The following DLG5 variants were observed in gnomAD, a reference collection of about 807,000 sequenced individuals.
The protein encoded by DLG5 is discs large MAGUK scaffold protein 5.
Under a neutral mutation model 189.8 loss-of-function variants are expected in DLG5, and 48 were observed. The ratio of observed to expected loss-of-function variants is 0.25; its 90% CI spans 0.20 to 0.32. The LOEUF is 0.32. DLG5 is among the 10% of genes least tolerant of loss of function. The probability of loss-of-function intolerance (pLI) is 1.00; values close to 1 mark genes in which losing one functional copy is unlikely to be tolerated. For synonymous variants in DLG5, 1,016 were observed against 1,054.1 expected, an observed-to-expected ratio of 0.96 and a Z score of 0.70; for missense variants, 2,160 against 2,544.7, an observed-to-expected ratio of 0.85 and a Z score of 3.25.
In DLG5 at chr10:77,817,840, T is replaced by C. The variant is rs930546924; in HGVS notation, c.3721A>G (p.Ser1241Gly). 1.3e-6 allele frequency: 2 copies of C among 1,554,546 alleles called. No individual in the cohort carries two copies. Among genetic ancestry groups the C allele is most frequent in the South Asian group, 2.4e-5 (2 of 84,198 alleles). The change falls in exon 18 of 32, where the codon AGC (serine) becomes GGC (glycine). Residue 1241 changes from serine to glycine, a missense_variant. Physicochemically the swap from Ser to Gly is moderately conservative, Grantham distance 56. Coordinates refer to ENST00000372391, the MANE Select transcript of DLG5 (RefSeq NM_004747.4). ...LSLDLSHRTC[S>G]DYSEMRATHG... is the part of the protein sequence containing the mutation. ...GTGGCTCTCATCTCGGAGTAGTCGC[T>C]GCAGGTCCTGTGGCTCAGGTCCAGG...
At chr10:77,817,240 G>T in intron 18 of DLG5, 144 bp from the exon 19 acceptor site, 1 of 735,866 alleles carries the variant, frequency 1.4e-6, no homozygotes, top group South Asian at 1.6e-5. Flanking sequence ...ATATGGAACA[G>T]TCAAGAAAAG....
chr10:77,916,034 T>C (rs1282244513), intron 1 of DLG5, among the ~76,000 whole-genome samples: 15 of 151,978 alleles, frequency 9.9e-5, no homozygotes, highest in Admixed American at 9.2e-4. Flanking sequence ...CTGGGCAATA[T>C]AGTGAGACCT....
intron 1 of DLG5, among the ~76,000 whole-genome samples, chr10:77,909,356 G>T (rs1846151580): frequency 6.6e-6 from 1 of 152,172 alleles, no homozygotes; most frequent in African/African-American, 2.4e-5. Context: ...GGGCCTGTCA[G>T]GGGTGGGGGT....
intron 1 of DLG5, among the ~76,000 whole-genome samples, chr10:77,904,187 C>T (rs1846009488): frequency 6.6e-6 from 1 of 152,170 alleles, no homozygotes; most frequent in African/African-American, 2.4e-5. Context: ...GCAAAACCCC[C>T]ATCTCAACAA....
chr10:77,814,467 A>T (rs1292748157), intron 20 of DLG5, among the ~76,000 whole-genome samples: 2 of 63,520 alleles, frequency 3.1e-5, no homozygotes, highest in East Asian at 4.0e-4. Flanking sequence ...ATGTTTATAT[A>T]TATATATATA....
At chr10:77,901,579 C>T (rs552123876) in intron 1 of DLG5, among the ~76,000 whole-genome samples, 2 of 152,258 alleles carry the variant, frequency 1.3e-5, no homozygotes, top group Non-Finnish European at 2.9e-5. Context: ...GCGGTCCACG[C>T]TGACGGGTGG....
At chr10:77,833,570 AGT>A (rs1241393577) in intron 9 of DLG5, among the ~76,000 whole-genome samples, 1 of 141,978 alleles carries the variant, frequency 7.0e-6, no homozygotes, top group Non-Finnish European at 1.6e-5. Flanking sequence ...TGAGTGAGTG[AGT>A]GAGTAGGGGA....
At position 77,816,440 on chromosome 10, in the gene DLG5, A is replaced by C. The variant is rs1842054707; in HGVS notation, c.4025+111T>G. The C allele has an allele frequency of 2.6e-6, 4 of 1,517,626 alleles. No homozygotes were observed. In the Admixed American group the frequency reaches 6.9e-5, roughly 26 times the overall value. 94.0% of individuals were successfully genotyped at this position (1,517,626 alleles called of 1,614,324 possible). A position where few individuals can be genotyped will look rare whatever the true frequency, so the allele number is the denominator to read the frequency against. Reference sequence around the variant, plus strand: ...ACACCAGCAAATGCTGGGACACTCAAGCTACTCCTGCTGCTTCTACTAAGC... The same window carrying C: ...ACACCAGCAAATGCTGGGACACTCACGCTACTCCTGCTGCTTCTACTAAGC... On this transcript the variant is annotated intron_variant, in intron 20 of 31. Coordinates refer to ENST00000372391, the MANE Select transcript of DLG5 (RefSeq NM_004747.4).
At chr10:77,932,958 A>G in the DLG5 span, among the ~76,000 whole-genome samples, 1 of 152,196 alleles carries the variant, frequency 6.6e-6, no homozygotes, top group Non-Finnish European at 1.5e-5. Context: ...TTGGGTAATA[A>G]AAAAGAAAAA....
At chr10:77,905,085 C>T (rs910426849) in intron 1 of DLG5, among the ~76,000 whole-genome samples, 4 of 148,158 alleles carry the variant, frequency 2.7e-5, no homozygotes, top group Non-Finnish European at 5.9e-5. Flanking sequence ...GCCGAGATCG[C>T]GCCACTGCAC....
chr10:77,817,159 C>T (rs1842101410), intron 18 of DLG5, 63 bp from the exon 19 acceptor site: 1 of 1,403,970 alleles, frequency 7.1e-7, no homozygotes, highest in African/African-American at 1.4e-5. Flanking sequence ...TGTCCTTCCT[C>T]TCCACCAGGC....
rs959938867 is a variant in DLG5, at chr10:77,816,557, T to C, written c.4019A>G (p.Lys1340Arg). The C allele has an allele frequency of 1.9e-5, 30 of 1,613,938 alleles. No homozygotes were observed. Among genetic ancestry groups the C allele is most frequent in the Non-Finnish European group, 2.4e-5 (28 of 1,179,974 alleles). Reference protein sequence around the residue: ...VNPASLGERRKDRPYVEEPRH... With the variant: ...VNPASLGERRRDRPYVEEPRH... The stretch of plus-strand genomic sequence containing the variant: ...GATGACCGGCCATGCTCACCTGTCC[T>C]TTCTCCGCTCCCCGAGGGACGCGGG... Residue 1340 changes from lysine (K) to arginine (R), a missense_variant, in exon 20 of 32, where the codon AAG becomes AGG. Lys to Arg is a conservative substitution (Grantham distance 26). Around this residue, in one of 5 missense-constraint regions of DLG5, gnomAD observed 754 missense variants for 746.5 expected, o/e 1.01. Coordinates refer to ENST00000372391, the MANE Select transcript of DLG5 (RefSeq NM_004747.4).
intron 1 of DLG5, among the ~76,000 whole-genome samples, chr10:77,896,069 A>T (rs577426609): frequency 6.6e-6 from 1 of 152,078 alleles, no homozygotes; most frequent in Non-Finnish European, 1.5e-5. Context: ...CTGAGGCACA[A>T]GAATTGCTTG....
intron 20 of DLG5, chr10:77,815,983 C>T (rs778860738): frequency 2.0e-5 from 8 of 391,494 alleles, no homozygotes; most frequent in Non-Finnish European, 3.6e-5. Flanking sequence ...GATGGACCTA[C>T]ATTCTAAAAT....
chr10:77,914,709 C>A (rs567375838), intron 1 of DLG5, among the ~76,000 whole-genome samples: 8 of 152,212 alleles, frequency 5.3e-5, no homozygotes, highest in Non-Finnish European at 8.8e-5. Context: ...ACCACCTTCC[C>A]CACCTCCTAG....
At chr10:77,931,648 A>G (rs1015753093), upstream of DLG5, among the ~76,000 whole-genome samples, 13 of 151,334 alleles carry the variant, frequency 8.6e-5, no homozygotes, top group African/African-American at 2.9e-4. Flanking sequence ...TCTACTGTCA[A>G]CTCTGCTGGG....
chr10:77,884,417 G>A (rs1845375723), intron 1 of DLG5, among the ~76,000 whole-genome samples: 2 of 152,160 alleles, frequency 1.3e-5, no homozygotes, highest in Non-Finnish European at 2.9e-5. Flanking sequence ...CCATACCTCA[G>A]CTCACTGGGA....
intron 26 of DLG5, 101 bp downstream of exon 26, chr10:77,806,657 C>T: frequency 6.9e-7 from 1 of 1,445,098 alleles, no homozygotes; most frequent in South Asian, 1.3e-5. Context: ...AATCCCTCCT[C>T]CAGCAGCCCT....
intron 1 of DLG5, among the ~76,000 whole-genome samples, chr10:77,915,235 G>A (rs942428263): frequency 1.3e-5 from 2 of 151,932 alleles, no homozygotes; most frequent in Admixed American, 1.3e-4. Context: ...GCTGAGGCAG[G>A]AGAATTGCTT....
Sources: allele counts gnomAD v4.1 joint callset (sites outside exome capture counted in the v4.1 genomes callset), GRCh38; gene constraint gnomAD v4.1.1; regional missense constraint gnomAD v4.1.1; transcripts MANE v1.5; gene names NCBI Gene and HGNC (gene_info 2026-07-23, HGNC 2026-07-21).